Variants in ZNF570 observed in about 807,000 individuals in gnomAD.
The protein encoded by ZNF570 is zinc finger protein 570.
Under a neutral mutation model 14.2 loss-of-function variants are expected in ZNF570, and 8 were observed. The ratio of observed to expected loss-of-function variants is 0.56; its 90% CI spans 0.33 to 1.02. The LOEUF is 1.02. Among genes scored for constraint, ZNF570 ranks in the 50% least tolerant of loss-of-function variants. The pLI is 0.03. For missense variants in ZNF570, 559 were observed against 624.9 expected, an observed-to-expected ratio of 0.89 and a Z score of 1.12; for synonymous variants, 202 against 207.6, an observed-to-expected ratio of 0.97 and a Z score of 0.23.
chr19:37,472,148 G>T (rs551848331), intron 2 of ZNF570, among the ~76,000 whole-genome samples: 2 of 151,838 alleles, frequency 1.3e-5, no homozygotes, highest in African/African-American at 4.8e-5. Context: ...CTTGTGATCC[G>T]CCTGCCTCGG....
chr19:37,483,344 A>ATCAG (rs1952338015), intron 4 of ZNF570, among the ~76,000 whole-genome samples: 1 of 152,172 alleles, frequency 6.6e-6, no homozygotes, highest in South Asian at 2.1e-4. Context: ...CTCTAATTTC[A>ATCAG]TCAGTATCCA....
chr19:37,472,442 G>A (rs919364534), intron 2 of ZNF570, among the ~76,000 whole-genome samples: 5 of 152,014 alleles, frequency 3.3e-5, no homozygotes, highest in African/African-American at 1.2e-4. Flanking sequence ...AAAAAGTTTA[G>A]CTATAAGAGA....
At chr19:37,480,344 C>T (rs60681432) in intron 4 of ZNF570, among the ~76,000 whole-genome samples, 2,753 of 151,808 alleles carry the variant, frequency 0.018, 103 homozygotes, top group African/African-American at 0.063. Flanking sequence ...ATTAGCTGGG[C>T]GTGGTGGCAT....
upstream of ZNF570, chr19:37,468,022 C>T (rs1237554574): frequency 9.0e-6 from 11 of 1,215,990 alleles, no homozygotes; most frequent in Non-Finnish European, 1.3e-5. Context: ...CTTGGCCTTA[C>T]TAGCTGTGTC....
Position 37,469,503 on chromosome 19 carries a change from G to T in ZNF570, c.-106G>T. ...TCGGGAGTGGGCTGAGGAGTGGCGTGTGGGTCTCCGGAAGCTCGTCGCAGG... is the reference window on the plus strand; with the variant it reads ...TCGGGAGTGGGCTGAGGAGTGGCGTTTGGGTCTCCGGAAGCTCGTCGCAGG... On this transcript the variant is annotated 5_prime_UTR_variant, in exon 1 of 5. Coordinates refer to ENST00000330173, the MANE Select transcript of ZNF570 (RefSeq NM_144694.5). 4 of 1,536,538 alleles carry T rather than the reference G, an allele frequency of 2.6e-6. No homozygotes were observed. The highest frequency in any genetic ancestry group is 3.5e-6 in the Non-Finnish European group (4 of 1,146,924).
chr19:37,467,867 G>T, upstream of ZNF570: 1 of 1,536,024 alleles, frequency 6.5e-7, no homozygotes, highest in Admixed American at 2.0e-5. Flanking sequence ...GTTTGATTCT[G>T]ACCTTGCAGT....
Position 37,469,425 on chromosome 19 carries a change from T to G in ZNF570, c.-184T>G. 6.5e-7 allele frequency: 1 copy of G among 1,532,136 alleles called. No individual in the cohort carries two copies. Among genetic ancestry groups the G allele is most frequent in the Non-Finnish European group, 8.7e-7 (1 of 1,144,134 alleles). 94.9% of individuals were successfully genotyped at this position (1,532,136 alleles called of 1,614,324 possible). ...GTAGCGGTGAGACCCGAGTGCAGAT[T>G]CCCCGAGCCTTCGGGGCAGGAAGGA... On this transcript the variant is annotated 5_prime_UTR_variant, in exon 1 of 5. The change creates a new upstream start codon in the 5' untranslated region. Coordinates refer to ENST00000330173, the MANE Select transcript of ZNF570 (RefSeq NM_144694.5).
intron 4 of ZNF570, 54 bp from the exon 5 acceptor site, chr19:37,483,825 T>C: frequency 6.7e-7 from 1 of 1,492,034 alleles, no homozygotes; most frequent in South Asian, 1.3e-5. Context: ...CTTTATTAAA[T>C]GTACTTTCTG....
chr19:37,476,096 A>C, intron 3 of ZNF570, 89 bp downstream of exon 3: 1 of 1,509,890 alleles, frequency 6.6e-7, no homozygotes, highest in Non-Finnish European at 8.8e-7. Flanking sequence ...TATCTGCAAA[A>C]TTTGGCTGAA....
upstream of ZNF570, chr19:37,467,813 C>G: frequency 1.4e-6 from 2 of 1,456,914 alleles, no homozygotes; most frequent in South Asian, 2.4e-5. Flanking sequence ...TGCGAATATG[C>G]GACCTTTTGT....
At chr19:37,477,953 A>G (rs2147013466) in intron 4 of ZNF570, among the ~76,000 whole-genome samples, 1 of 152,260 alleles carries the variant, frequency 6.6e-6, no homozygotes, top group Non-Finnish European at 1.5e-5. Context: ...CTGTTTCCTT[A>G]TACCAGTACC....
intron 3 of ZNF570, 60 bp downstream of exon 3, chr19:37,476,067 A>G (rs1361205308): frequency 9.1e-6 from 14 of 1,545,938 alleles, no homozygotes; most frequent in East Asian, 4.5e-5. Context: ...TGCTACCACT[A>G]TTGTGAATTT....
intron 2 of ZNF570, among the ~76,000 whole-genome samples, chr19:37,472,715 C>G (rs952241399): frequency 1.5e-5 from 2 of 136,332 alleles, no homozygotes; most frequent in African/African-American, 2.9e-5. Context: ...GCACTCCAGC[C>G]TGGGCAACAA....
rs2042169836 is a variant in ZNF570, at chr19:37,487,594, C to A, written c.*2361C>A. On this transcript the variant is annotated 3_prime_UTR_variant, in exon 5 of 5. Coordinates refer to ENST00000330173, the MANE Select transcript of ZNF570 (RefSeq NM_144694.5). ...ACGGAAGAGTAACAAGAAACTAAAT[C>A]AAGGAGCATTATATAGCCTAGACTG... 1 of 152,110 alleles carries A rather than the reference C, an allele frequency of 6.6e-6. No homozygotes were observed. Among genetic ancestry groups the A allele is most frequent in the Non-Finnish European group, 1.5e-5 (1 of 68,016 alleles). 9.4% of individuals were successfully genotyped at this position (152,110 alleles called of 1,614,324 possible). A position where few individuals can be genotyped will look rare whatever the true frequency, so the allele number is the denominator to read the frequency against.
upstream of ZNF570, chr19:37,468,076 T>G: frequency 2.7e-6 from 2 of 733,426 alleles, no homozygotes; most frequent in Non-Finnish European, 4.4e-6. Flanking sequence ...TTCGTGTTTT[T>G]TTTTTTTTGT....
In ZNF570 at chr19:37,487,201, C is replaced by CAAAAAAAAAAAAAAAAA. The variant is rs60321298; in HGVS notation, c.*1979_*1995dup. On this transcript the variant is annotated 3_prime_UTR_variant, in exon 5 of 5. Coordinates refer to ENST00000330173, the MANE Select transcript of ZNF570 (RefSeq NM_144694.5). ...TGGGCAATACAGCAAGACTCCATCT[C>CAAAAAAAAAAAAAAAAA]AAAAAAAAAAAAAAAAAAAAAAAAA... 2.2e-5 allele frequency: 1 copy of CAAAAAAAAAAAAAAAAA among 44,830 alleles called. No individual in the cohort carries two copies. The highest frequency in any genetic ancestry group is 4.3e-5 in the Non-Finnish European group (1 of 23,416). 2.8% of individuals were successfully genotyped at this position (44,830 alleles called of 1,614,324 possible). A position where few individuals can be genotyped will look rare whatever the true frequency, so the allele number is the denominator to read the frequency against.
At chr19:37,483,519 G>A (rs2042110001) in intron 4 of ZNF570, among the ~76,000 whole-genome samples, 1 of 152,162 alleles carries the variant, frequency 6.6e-6, no homozygotes, top group Non-Finnish European at 1.5e-5. Flanking sequence ...AACAGTATCT[G>A]GCAAAAGGTA....
rs760686313 is a variant in ZNF570, at chr19:37,470,695, CTTTTTTTTTT to C, written c.33+323_33+332del. Among the ~76,000 whole-genome samples the C allele has an allele frequency of 3.9e-4, 36 of 92,988 alleles. No individual in the cohort carries two copies. The East Asian group carries it at 8.3e-3, about 21-fold the overall frequency. The allele number at this position is 92,988 out of a possible 152,430, so 61.0% of individuals were successfully genotyped here. ...TGTGGTGAGTACATTCTTATTTATT[CTTTTTTTTTT>C]TTTTTTTTTTTTTTGAGACAGAGTC... is the stretch of plus-strand genomic sequence containing the variant. On this transcript the variant is annotated intron_variant, in intron 2 of 4. Transcript: ENST00000330173.
At chr19:37,474,712 G>A (rs1202519018) in intron 2 of ZNF570, among the ~76,000 whole-genome samples, 6 of 152,072 alleles carry the variant, frequency 3.9e-5, no homozygotes, top group Non-Finnish European at 7.4e-5. Context: ...CACCTGCCTC[G>A]GCCTCCCAAG....
Sources: gnomAD v4.1 joint callset for allele counts (sites outside exome capture counted in the v4.1 genomes callset) on GRCh38, gnomAD v4.1.1 for gene constraint, MANE v1.5 for transcripts, NCBI Gene and HGNC (gene_info 2026-07-23, HGNC 2026-07-21) for gene names.